The following TBC1D31 variants were observed in gnomAD, a reference collection of about 807,000 sequenced individuals.
TBC1D31 encodes TBC1 domain family member 31, also known as WD repeat domain 67.
A neutral mutation model predicts 132.9 loss-of-function variants in TBC1D31; 99 were observed. The ratio of observed to expected loss-of-function variants is 0.74; its 90% CI spans 0.63 to 0.88. The LOEUF is 0.88. Ranked by LOEUF, TBC1D31 falls within the 40% of genes least tolerant of loss-of-function variation. The pLI is 0.00. For missense variants in TBC1D31, 1,134 were observed against 1,256.6 expected (o/e 0.90, Z 1.48); for synonymous variants, 385 against 419.4 (o/e 0.92, Z 1.00).
At chr8:123,116,626 A>G (rs1818935122) in intron 10 of TBC1D31, among the ~76,000 whole-genome samples, 1 of 152,174 alleles carries the variant, frequency 6.6e-6, no homozygotes, top group Admixed American at 6.5e-5. Flanking sequence ...AGGCCTAACA[A>G]TGACACCCTG....
At chr8:123,143,990 A>G (rs1458773858) in intron 19 of TBC1D31, among the ~76,000 whole-genome samples, 1 of 152,180 alleles carries the variant, frequency 6.6e-6, no homozygotes, top group East Asian at 1.9e-4. Flanking sequence ...GCCTTGGGAA[A>G]TTGCTCAGAA....
chr8:123,128,478 A>C lies in TBC1D31; in HGVS notation c.2082A>C (p.Arg694Ser). 1 of 1,612,654 alleles carries C rather than the reference A, an allele frequency of 6.2e-7. No individual in the cohort carries two copies. The change falls in exon 14 of 22, where the codon AGA (arginine) becomes AGC (serine). Residue 694 changes from arginine to serine, a missense_variant. Coordinates refer to ENST00000287380, the MANE Select transcript of TBC1D31 (RefSeq NM_145647.4). ...ACTATCAAACACAGGAACGAGAAAG[A>C]ATAAGGAATGATGAATTGGATTACT... ...IVDYQTQERE[R>S]IRNDELDYLR... is the part of the protein sequence containing the mutation.
the TBC1D31 span, among the ~76,000 whole-genome samples, chr8:123,162,189 A>C: frequency 6.6e-6 from 1 of 151,914 alleles, no homozygotes; most frequent in Non-Finnish European, 1.5e-5. Flanking sequence ...ACAGAATACT[A>C]TCCCCCTACA....
downstream of TBC1D31, among the ~76,000 whole-genome samples, chr8:123,156,297 C>T (rs1822984626): frequency 6.6e-6 from 1 of 151,920 alleles, no homozygotes; most frequent in Non-Finnish European, 1.5e-5. Flanking sequence ...AAAAATTAGC[C>T]GAGTGTAGTG....
At chr8:123,157,695 G>A in the TBC1D31 span, among the ~76,000 whole-genome samples, 1 of 145,016 alleles carries the variant, frequency 6.9e-6, no homozygotes, top group African/African-American at 2.6e-5. Context: ...ATAACGATTG[G>A]AAAACACACA....
intron 13 of TBC1D31, among the ~76,000 whole-genome samples, chr8:123,127,039 A>T (rs575827763): frequency 6.6e-6 from 1 of 152,006 alleles, no homozygotes; most frequent in South Asian, 2.1e-4. Flanking sequence ...GTGCCAGGCC[A>T]TATCAGTTAT....
At chr8:123,103,902 CTT>C (rs1371157476) in intron 7 of TBC1D31, 5 of 152,182 alleles carry the variant, frequency 3.3e-5, no homozygotes, top group African/African-American at 7.2e-5. Context: ...CCATCAGTGT[CTT>C]TATGGCTGTT....
intron 20 of TBC1D31, among the ~76,000 whole-genome samples, chr8:123,149,254 A>T (rs1352648975): frequency 2.0e-5 from 3 of 152,168 alleles, no homozygotes; most frequent in African/African-American, 7.2e-5. Context: ...CAAATTAGTC[A>T]TTGGTGATTA....
chr8:123,147,522 G>A (rs561063842), intron 20 of TBC1D31, among the ~76,000 whole-genome samples: 15 of 152,264 alleles, frequency 9.9e-5, no homozygotes, highest in African/African-American at 2.6e-4. Flanking sequence ...AGCTATCTAC[G>A]TAGAAATAGA....
intron 4 of TBC1D31, among the ~76,000 whole-genome samples, chr8:123,090,075 T>C (rs935400396): frequency 3.3e-5 from 5 of 152,242 alleles, no homozygotes; most frequent in African/African-American, 1.2e-4. Flanking sequence ...CCGCTGATTT[T>C]TGTAAGCAGT....
At chr8:123,137,355 G>A (rs1030052650) in intron 17 of TBC1D31, among the ~76,000 whole-genome samples, 1 of 152,136 alleles carries the variant, frequency 6.6e-6, no homozygotes, top group Non-Finnish European at 1.5e-5. Flanking sequence ...CCACCCTCAG[G>A]TTCAGTGATT....
At chr8:123,073,083 T>C (rs759974781) in intron 1 of TBC1D31, among the ~76,000 whole-genome samples, 6 of 152,168 alleles carry the variant, frequency 3.9e-5, no homozygotes, top group Admixed American at 1.3e-4. Flanking sequence ...AGGCCGGTGG[T>C]TCTCAGACCT....
chr8:123,092,922 C>T (rs1243445029), intron 4 of TBC1D31, among the ~76,000 whole-genome samples: 1 of 150,824 alleles, frequency 6.6e-6, no homozygotes, highest in Non-Finnish European at 1.5e-5. Flanking sequence ...AACAATTCTC[C>T]TGTCTCAGCC....
chr8:123,130,461 A>G, intron 16 of TBC1D31, 128 bp downstream of exon 16: 1 of 826,000 alleles, frequency 1.2e-6, no homozygotes, highest in East Asian at 3.1e-5. Context: ...CTTTAATTTT[A>G]TTTACTTTTC....
In TBC1D31 at chr8:123,151,792, A is replaced by G. The variant is rs1412848223; in HGVS notation, c.3068-14A>G. ...AAAACTCAGCTTTTCTAAATTTTAA[A>G]TTTCGTTTTCAAGTTTCTTTAAATA... is the stretch of plus-strand genomic sequence containing the variant. On this transcript the variant is annotated splice_polypyrimidine_tract_variant and intron_variant, in intron 21 of 21. Coordinates refer to ENST00000287380, the MANE Select transcript of TBC1D31 (RefSeq NM_145647.4). The G allele has an allele frequency of 1.3e-6, 2 of 1,549,442 alleles. No homozygotes were observed. The highest frequency in any genetic ancestry group is 2.4e-5 in the Admixed American group (1 of 42,464).
intron 8 of TBC1D31, among the ~76,000 whole-genome samples, chr8:123,106,434 G>A (rs1274113605): frequency 6.6e-6 from 1 of 152,170 alleles, no homozygotes; most frequent in African/African-American, 2.4e-5. Context: ...TACTGATACT[G>A]ACATATTGTC....
intron 16 of TBC1D31, 146 bp downstream of exon 16, chr8:123,130,479 C>G (rs867878414): frequency 2.9e-6 from 2 of 693,900 alleles, no homozygotes; most frequent in Non-Finnish European, 4.2e-6. Context: ...TTCCCCTCAG[C>G]TTTCTCATTC....
chr8:123,078,545 G>GT (rs2129678618), intron 2 of TBC1D31, among the ~76,000 whole-genome samples: 1 of 152,244 alleles, frequency 6.6e-6, no homozygotes, highest in Non-Finnish European at 1.5e-5. Context: ...TTGAGTTCTT[G>GT]TTTTCAAAAT....
intron 7 of TBC1D31, chr8:123,103,231 G>A (rs922912549): frequency 6.6e-6 from 1 of 152,082 alleles, no homozygotes; most frequent in African/African-American, 2.4e-5. Flanking sequence ...ATGCATACTT[G>A]TCTCTAAACA....
Sources: gnomAD v4.1 joint callset for allele counts (sites outside exome capture counted in the v4.1 genomes callset) on GRCh38, gnomAD v4.1.1 for gene constraint, MANE v1.5 for transcripts, NCBI Gene and HGNC (gene_info 2026-07-23, HGNC 2026-07-21) for gene names.